Variants in NXPH1 observed in about 807,000 individuals in gnomAD.
The protein encoded by NXPH1 is neurexophilin-1.
In NXPH1, 5 loss-of-function variants were observed where a neutral mutation model predicts 23.7. The observed-to-expected ratio is 0.21, with a 90% confidence interval of 0.11 to 0.44. The LOEUF (loss-of-function observed/expected upper bound fraction) is 0.44, where lower values mean the gene tolerates loss of function less well. NXPH1 is among the 20% of genes least tolerant of loss of function. The pLI is 0.99. For missense variants in NXPH1, 324 were observed against 321.6 expected (o/e 1.01, Z -0.06); for synonymous variants, 144 against 122.2 (o/e 1.18, Z -1.18).
intron 2 of NXPH1, among the ~76,000 whole-genome samples, chr7:8,520,418 T>G (rs775166752): frequency 1.3e-4 from 20 of 152,168 alleles, no homozygotes; most frequent in Non-Finnish European, 2.9e-4. Context: ...AGACGGAAGG[T>G]GGCTTTCTCT....
intron 2 of NXPH1, among the ~76,000 whole-genome samples, chr7:8,461,735 G>C (rs184569423): frequency 0.41 from 60,953 of 146,926 alleles, 12,857 homozygotes; most frequent in East Asian, 0.63. Flanking sequence ...GAGGCTGAGG[G>C]AGGAGAATGG....
intron 2 of NXPH1, among the ~76,000 whole-genome samples, chr7:8,490,969 G>A (rs963334689): frequency 1.3e-5 from 2 of 152,058 alleles, no homozygotes; most frequent in East Asian, 3.9e-4. Context: ...AATGTAAATA[G>A]GTTGACAGAC....
At position 8,598,641 on chromosome 7, in the gene NXPH1, A is replaced by G. The variant is rs558135487; in HGVS notation, c.55-152367A>G. On this transcript the variant is annotated intron_variant, in intron 2 of 2. Transcript: ENST00000405863. ...AAACCTTTTTTATTGAGTGAACCAT[A>G]AGTATATTTGTACAGCGTCAGTATT... Among the ~76,000 whole-genome samples the G allele has an allele frequency of 1.2e-4, 19 of 152,294 alleles. 1 individual carries two copies. In the South Asian group the frequency reaches 3.9e-3, roughly 32 times the overall value.
intron 2 of NXPH1, among the ~76,000 whole-genome samples, chr7:8,713,006 C>T (rs1034771800): frequency 6.7e-6 from 1 of 150,154 alleles, no homozygotes; most frequent in African/African-American, 2.4e-5. Flanking sequence ...AAGCTTTTTA[C>T]CCCCCTCTCT....
intron 2 of NXPH1, among the ~76,000 whole-genome samples, chr7:8,701,566 A>T (rs969561941): frequency 6.6e-6 from 1 of 151,972 alleles, no homozygotes; most frequent in African/African-American, 2.4e-5. Flanking sequence ...AGCAAACTTG[A>T]TTTAAGTTTT....
intron 2 of NXPH1, among the ~76,000 whole-genome samples, chr7:8,624,660 A>G (rs1819949638): frequency 6.6e-6 from 1 of 152,162 alleles, no homozygotes; most frequent in African/African-American, 2.4e-5. Flanking sequence ...GGAGTTGTAC[A>G]AAAGAGTGAG....
intron 2 of NXPH1, among the ~76,000 whole-genome samples, chr7:8,562,876 A>G (rs974852857): frequency 2.0e-4 from 31 of 151,614 alleles, no homozygotes; most frequent in Non-Finnish European, 3.0e-5. Flanking sequence ...AATGACATAT[A>G]CTTTTTCTGA....
chr7:8,485,752 C>T (rs1398291343), intron 2 of NXPH1, among the ~76,000 whole-genome samples: 1 of 152,118 alleles, frequency 6.6e-6, no homozygotes, highest in Non-Finnish European at 1.5e-5. Context: ...TAATAAGTTT[C>T]AAGGGAGACA....
At chr7:8,705,036 A>G (rs560881398) in intron 2 of NXPH1, among the ~76,000 whole-genome samples, 1 of 152,284 alleles carries the variant, frequency 6.6e-6, no homozygotes, top group African/African-American at 2.4e-5. Flanking sequence ...GTCTAAATTT[A>G]TACTAATTCA....
chr7:8,644,763 A>G lies in NXPH1; in HGVS notation c.55-106245A>G, dbSNP rs374584559. Among the ~76,000 whole-genome samples the G allele has an allele frequency of 2.6e-4, 39 of 152,244 alleles. 1 individual carries two copies. The East Asian group carries it at 5.6e-3, about 22-fold the overall frequency. On this transcript the variant is annotated intron_variant, in intron 2 of 2. Transcript: ENST00000405863. Reference sequence around the variant, plus strand: ...ATTAGAATATGATAATGACCATTGGATCCCATTGTGTATTACAGCCCAGCA... The same window carrying G: ...ATTAGAATATGATAATGACCATTGGGTCCCATTGTGTATTACAGCCCAGCA...
At chr7:8,628,826 G>T (rs1168673863) in intron 2 of NXPH1, among the ~76,000 whole-genome samples, 1 of 151,836 alleles carries the variant, frequency 6.6e-6, no homozygotes, top group Non-Finnish European at 1.5e-5. Flanking sequence ...ACAGACGGTG[G>T]TGCAGTTGTT....
chr7:8,593,985 G>A (rs2128625863), intron 2 of NXPH1, among the ~76,000 whole-genome samples: 1 of 151,240 alleles, frequency 6.6e-6, no homozygotes, highest in South Asian at 2.1e-4. Flanking sequence ...ACATGTAAGT[G>A]GGTAGTTTTT....
chr7:8,445,494 A>T (rs1816388406), intron 2 of NXPH1, among the ~76,000 whole-genome samples: 1 of 152,226 alleles, frequency 6.6e-6, no homozygotes. Context: ...ACATAGTGTA[A>T]CGGGGCCTTC....
chr7:8,661,296 C>T (rs952227594), intron 2 of NXPH1, among the ~76,000 whole-genome samples: 62 of 152,194 alleles, frequency 4.1e-4, no homozygotes, highest in African/African-American at 1.4e-3. Context: ...ATCTTTTTAT[C>T]CCAAGTAATA....
chr7:8,693,044 G>A (rs1195607138), intron 2 of NXPH1, among the ~76,000 whole-genome samples: 1 of 152,136 alleles, frequency 6.6e-6, no homozygotes, highest in Non-Finnish European at 1.5e-5. Context: ...ATAGAAAAAA[G>A]AGGCAAGTGA....
chr7:8,616,689 G>A (rs1241450872), intron 2 of NXPH1, among the ~76,000 whole-genome samples: 1 of 151,890 alleles, frequency 6.6e-6, no homozygotes, highest in Non-Finnish European at 1.5e-5. Context: ...AGACATTGTT[G>A]CTTTTGAACA....
Position 8,457,095 on chromosome 7 carries a change from G to T in NXPH1, c.54+21328G>T, listed in dbSNP as rs941647149. On this transcript the variant is annotated intron_variant, in intron 2 of 2. Coordinates refer to ENST00000405863, the MANE Select transcript of NXPH1 (RefSeq NM_152745.3). ...TAAAAACATTGTGTAGGAACTGGGG[G>T]TTCTTCCCATTTTAAAATGGCTTTT... 3.9e-5 allele frequency among the ~76,000 whole-genome samples: 6 copies of T among 152,300 alleles called. 1 individual carries two copies. The South Asian group carries it at 1.2e-3, about 32-fold the overall frequency.
At chr7:8,588,087 G>A (rs1819016454) in intron 2 of NXPH1, among the ~76,000 whole-genome samples, 1 of 152,194 alleles carries the variant, frequency 6.6e-6, no homozygotes, top group East Asian at 1.9e-4. Flanking sequence ...TCATTAAGAA[G>A]TCAGGAAACA....
chr7:8,490,765 T>G (rs935844965), intron 2 of NXPH1, among the ~76,000 whole-genome samples: 18 of 152,194 alleles, frequency 1.2e-4, no homozygotes, highest in African/African-American at 4.3e-4. Context: ...GACAAAATAT[T>G]TAAGTGATTC....
Sources: allele counts gnomAD v4.1 joint callset (sites outside exome capture counted in the v4.1 genomes callset), GRCh38; gene constraint gnomAD v4.1.1; transcripts MANE v1.5; gene names NCBI Gene and HGNC (gene_info 2026-07-23, HGNC 2026-07-21).